INTU: variants seen among roughly 807,000 people sequenced by gnomAD.
INTU encodes the protein protein inturned.
INTU carries 68 observed loss-of-function variants against 100.5 expected under a neutral mutation model. The observed-to-expected ratio is 0.68, with a 90% CI of 0.56 to 0.83. INTU has a LOEUF of 0.83. INTU is among the 40% of genes least tolerant of loss of function. The probability of loss-of-function intolerance (pLI) is 0.00; values close to 1 mark genes in which losing one functional copy is unlikely to be tolerated. For missense variants in INTU, 1,071 were observed against 1,114.7 expected (o/e 0.96, Z 0.56); for synonymous variants, 357 against 395.7 (o/e 0.90, Z 1.16).
At chr4:127,667,805 G>A (rs1400567051) in intron 4 of INTU, among the ~76,000 whole-genome samples, 1 of 151,986 alleles carries the variant, frequency 6.6e-6, no homozygotes, top group African/African-American at 2.4e-5. Flanking sequence ...AGTGTATTTG[G>A]CCAGCATATT....
chr4:127,642,876 A>T (rs917763014), intron 1 of INTU, among the ~76,000 whole-genome samples: 2 of 151,760 alleles, frequency 1.3e-5, no homozygotes, highest in Non-Finnish European at 2.9e-5. Context: ...AATTTTTCAT[A>T]AAAAGGAGTT....
In INTU at chr4:127,719,443, C is replaced by CT. The variant is rs1731313503; in HGVS notation, c.*3014dup. ...ATCAGGGATATTGGTCTGAAGTTTT[C>CT]TTTTTTTGTTGTATCTCTGCCAGGT... On this transcript the variant is annotated 3_prime_UTR_variant, in exon 16 of 16. Transcript: ENST00000335251. The CT allele has an allele frequency of 6.6e-6, 1 of 152,062 alleles. No homozygotes were observed. 9.4% of individuals were successfully genotyped at this position (152,062 alleles called of 1,614,324 possible).
intron 8 of INTU, among the ~76,000 whole-genome samples, chr4:127,692,450 T>A (rs941676742): frequency 1.3e-5 from 2 of 152,196 alleles, no homozygotes; most frequent in Non-Finnish European, 2.9e-5. Context: ...TGTTTTTTTC[T>A]TGCTGATTTG....
chr4:127,643,647 T>C lies in INTU; in HGVS notation c.273T>C (p.Ser91=). 6.2e-7 allele frequency: 1 copy of C among 1,613,686 alleles called. No homozygotes were observed. Among genetic ancestry groups the C allele is most frequent in the Non-Finnish European group, 8.5e-7 (1 of 1,179,924 alleles). ...CAACTGTGAACCATGTCAGGTTCAG[T>C]GAAAATGAGATTATCATTGAAGATG... is the stretch of plus-strand genomic sequence containing the variant. ...ETPTVNHVRF[S]ENEIIIEDDY... Residue 91 remains serine (S), a synonymous_variant, in exon 2 of 16, where the codon AGT becomes AGC. Transcript: ENST00000335251.
intron 6 of INTU, among the ~76,000 whole-genome samples, chr4:127,682,774 TAAAAG>T (rs547747010): frequency 2.7e-4 from 41 of 151,478 alleles, no homozygotes; most frequent in Non-Finnish European, 4.7e-4. Flanking sequence ...TAAAAATAAA[TAAAAG>T]AAAAGAAATA....
intron 2 of INTU, among the ~76,000 whole-genome samples, chr4:127,647,722 G>A (rs928511392): frequency 2.6e-5 from 4 of 151,958 alleles, no homozygotes; most frequent in Non-Finnish European, 4.4e-5. Context: ...TACGTTCATT[G>A]TAGACAATTT....
At chr4:127,654,447 A>C (rs1413272497) in intron 2 of INTU, among the ~76,000 whole-genome samples, 2 of 152,142 alleles carry the variant, frequency 1.3e-5, no homozygotes, top group South Asian at 2.1e-4. Flanking sequence ...GCATTTGCTT[A>C]TCTGTAAAGT....
intron 4 of INTU, among the ~76,000 whole-genome samples, chr4:127,664,584 G>A (rs1181956333): frequency 6.6e-6 from 1 of 151,990 alleles, no homozygotes; most frequent in Non-Finnish European, 1.5e-5. Context: ...TCTTCCTGGA[G>A]AAAACTAAAC....
chr4:127,651,247 CTT>C (rs1313250581), intron 2 of INTU, among the ~76,000 whole-genome samples: 4 of 152,082 alleles, frequency 2.6e-5, no homozygotes, highest in African/African-American at 9.7e-5. Flanking sequence ...TCAATTTTGT[CTT>C]TTGTTGCCAT....
rs997419715 is a variant in INTU at position 127,718,062 on chromosome 4, A to G, written c.*1626A>G. On this transcript the variant is annotated 3_prime_UTR_variant, in exon 16 of 16. Transcript: ENST00000335251. ...TGATTTCATCATGAAATCTTTGCCCATGCTCATGTCTTAAATGGTATTGCC... is the reference window on the plus strand; with the variant it reads ...TGATTTCATCATGAAATCTTTGCCCGTGCTCATGTCTTAAATGGTATTGCC... 3.3e-5 allele frequency: 5 copies of G among 152,142 alleles called. No individual in the cohort carries two copies. The highest frequency in any genetic ancestry group is 2.6e-4 in the Admixed American group (4 of 15,274). The allele number at this position is 152,142 out of a possible 1,614,324, so 9.4% of individuals were successfully genotyped here.
intron 6 of INTU, among the ~76,000 whole-genome samples, chr4:127,675,542 T>C (rs976660987): frequency 4.6e-5 from 7 of 152,160 alleles, no homozygotes; most frequent in African/African-American, 1.7e-4. Context: ...CACAAAGGTG[T>C]TTTCGTGGTT....
chr4:127,653,856 T>G (rs1420809298), intron 2 of INTU, among the ~76,000 whole-genome samples: 1 of 151,872 alleles, frequency 6.6e-6, no homozygotes, highest in African/African-American at 2.4e-5. Flanking sequence ...TGTGGGAGTC[T>G]AAGTCTCTTT....
chr4:127,654,351 C>T (rs981090179), intron 2 of INTU, among the ~76,000 whole-genome samples: 45 of 152,178 alleles, frequency 3.0e-4, no homozygotes, highest in South Asian at 8.3e-4. Context: ...GATTTTGCAG[C>T]GGCCGGTACC....
At chr4:127,703,206 A>G (rs1224568226) in intron 9 of INTU, among the ~76,000 whole-genome samples, 1 of 152,170 alleles carries the variant, frequency 6.6e-6, no homozygotes, top group African/African-American at 2.4e-5. Flanking sequence ...CATCATATGC[A>G]TGTATCACAA....
intron 4 of INTU, among the ~76,000 whole-genome samples, chr4:127,664,885 A>C (rs912615121): frequency 5.9e-5 from 9 of 151,900 alleles, no homozygotes; most frequent in Admixed American, 5.3e-4. Context: ...CTTCTTTAAA[A>C]ATTTCTACTG....
chr4:127,701,149 C>G (rs1008955688), intron 9 of INTU, among the ~76,000 whole-genome samples: 7 of 152,076 alleles, frequency 4.6e-5, no homozygotes, highest in Non-Finnish European at 1.0e-4. Flanking sequence ...GATTGAACTA[C>G]CAACTTATAG....
rs1192983925 is a variant in INTU at position 127,716,619 on chromosome 4, G to T, written c.*183G>T. 5.6e-6 allele frequency: 2 copies of T among 354,522 alleles called. No homozygotes were observed. The highest frequency in any genetic ancestry group is 7.3e-4 in the Middle Eastern group (1 of 1,368). 22.0% of individuals were successfully genotyped at this position (354,522 alleles called of 1,614,324 possible). ...ATACATTAAATCTTAATGTAATATT[G>T]TAAGACTTTTGAGAATATACTTGAT... On this transcript the variant is annotated 3_prime_UTR_variant, in exon 16 of 16. Transcript: ENST00000335251.
intron 7 of INTU, 177 bp from the exon 8 acceptor site, chr4:127,687,496 TGGACA>T: frequency 2.2e-6 from 1 of 445,620 alleles, no homozygotes; most frequent in South Asian, 4.2e-5. Flanking sequence ...GTAAAAAGTT[TGGACA>T]GGGTAAATTT....
intron 3 of INTU, among the ~76,000 whole-genome samples, chr4:127,658,148 TCCCTAATG>T (rs1728317441): frequency 6.6e-6 from 1 of 152,264 alleles, no homozygotes; most frequent in African/African-American, 2.4e-5. Flanking sequence ...AAACAAGGTT[TCCCTAATG>T]CCCATTTATT....
Sources: allele counts gnomAD v4.1 joint callset (sites outside exome capture counted in the v4.1 genomes callset), GRCh38; gene constraint gnomAD v4.1.1; transcripts MANE v1.5; gene names NCBI Gene and HGNC (gene_info 2026-07-23, HGNC 2026-07-21).